Variants in PCNX1 observed in about 807,000 individuals in gnomAD.
The protein encoded by PCNX1 is pecanex 1.
Under a neutral mutation model 242.2 loss-of-function variants are expected in PCNX1, and 78 were observed. The observed-to-expected ratio is 0.32, with a 90% confidence interval of 0.27 to 0.39. The LOEUF (loss-of-function observed/expected upper bound fraction) is 0.39. Among genes scored for constraint, PCNX1 ranks in the 10% least tolerant of loss-of-function variants. PCNX1 has a pLI of 1.00. For synonymous variants in PCNX1, 1,024 were observed against 1,032.9 expected (o/e 0.99, Z 0.17); for missense variants, 2,581 against 2,856.5 (o/e 0.90, Z 2.20).
intron 2 of PCNX1, among the ~76,000 whole-genome samples, chr14:70,949,008 C>T (rs1317254280): frequency 6.9e-6 from 1 of 145,382 alleles, no homozygotes. Context: ...TTTTTATTTA[C>T]TCGTATAAAT....
chr14:70,996,765 T>C (rs1299857008), intron 8 of PCNX1, among the ~76,000 whole-genome samples: 1 of 152,192 alleles, frequency 6.6e-6, no homozygotes, highest in African/African-American at 2.4e-5. Context: ...ATTCATGTTA[T>C]AATTGCTTTT....
chr14:71,037,062 A>T (rs952463342), intron 19 of PCNX1, among the ~76,000 whole-genome samples: 1 of 151,962 alleles, frequency 6.6e-6, no homozygotes, highest in African/African-American at 2.4e-5. Context: ...TGTGAATGGG[A>T]GTTCACTCAT....
In PCNX1 at chr14:71,048,195, T is replaced by TA. The variant is rs534109577; in HGVS notation, c.4338+214dup. ...ATATTTCTTGCTATAGCTAAGAAGA[T>TA]AAAGTTACATAAAACAATTAGAGAA... On this transcript the variant is annotated intron_variant, in intron 22 of 35. Coordinates refer to ENST00000304743, the MANE Select transcript of PCNX1 (RefSeq NM_014982.3). 4.3e-3 allele frequency among the ~76,000 whole-genome samples: 653 copies of TA among 152,278 alleles called. 6 individuals are homozygous for TA. Among genetic ancestry groups the TA allele is most frequent in the Non-Finnish European group, 7.3e-3 (493 of 67,988 alleles).
At chr14:71,035,148 C>T (rs1433162881) in intron 18 of PCNX1, among the ~76,000 whole-genome samples, 1 of 152,034 alleles carries the variant, frequency 6.6e-6, no homozygotes, top group African/African-American at 2.4e-5. Flanking sequence ...GGGTTCTGAG[C>T]TCTAGTGTAC....
intron 2 of PCNX1, among the ~76,000 whole-genome samples, chr14:70,954,029 T>C (rs977149987): frequency 6.6e-6 from 1 of 152,260 alleles, no homozygotes; most frequent in East Asian, 1.9e-4. Flanking sequence ...TATTGTCTTT[T>C]TGAAGTTTCA....
chr14:70,946,570 TTAA>T (rs1363597708), intron 1 of PCNX1, among the ~76,000 whole-genome samples: 1 of 152,264 alleles, frequency 6.6e-6, no homozygotes, highest in African/African-American at 2.4e-5. Flanking sequence ...GAAATTAATT[TTAA>T]TAATGTTTTA....
chr14:71,019,880 C>T (rs1216137059), intron 12 of PCNX1, among the ~76,000 whole-genome samples: 1 of 152,022 alleles, frequency 6.6e-6, no homozygotes, highest in Non-Finnish European at 1.5e-5. Context: ...TCCCACCATG[C>T]ACCCATCAAC....
At chr14:71,050,606 A>G (rs752635078) in intron 22 of PCNX1, 46 bp from the exon 23 acceptor site, 10 of 1,480,616 alleles carry the variant, frequency 6.8e-6, no homozygotes, top group African/African-American at 4.3e-5. Context: ...CAAATATCTG[A>G]TAAGTTTTTT....
In PCNX1 at chr14:70,911,759, T is replaced by G. The variant is rs1347032124; in HGVS notation, c.153+3756T>G. Among the ~76,000 whole-genome samples the G allele has an allele frequency of 2.0e-5, 3 of 152,218 alleles. No individual in the cohort carries two copies. The East Asian group carries it at 5.8e-4, about 29-fold the overall frequency. ...AATATTTATGAAATAGAAGAAATTA[T>G]TTACCTTCAGAATGGCCTTCAGTAA... On this transcript the variant is annotated intron_variant, in intron 1 of 35. Transcript: ENST00000304743.
rs537998725 is a variant in PCNX1, at chr14:71,076,279, C to A, written c.5197C>A (p.Arg1733Ser). The A allele has an allele frequency of 1.2e-6, 2 of 1,613,622 alleles. No individual in the cohort carries two copies. Among genetic ancestry groups the A allele is most frequent in the Non-Finnish European group, 1.7e-6 (2 of 1,179,866 alleles). Residue 1733 changes from arginine to serine, a missense_variant, in exon 28 of 36, where the codon CGC becomes AGC. By Grantham distance (110) the Arg-to-Ser change is moderately radical (BLOSUM62 -1). Coordinates refer to ENST00000304743, the MANE Select transcript of PCNX1 (RefSeq NM_014982.3). The stretch of plus-strand genomic sequence containing the variant: ...GGAAGGACTTCGTCTGTGTGCTGAT[C>A]GCAATTATGTCGATGTGGACCCGAC... ...MQEGLRLCAD[R>S]NYVDVDPTFN...
intron 1 of PCNX1, among the ~76,000 whole-genome samples, chr14:70,944,608 G>C (rs1399166632): frequency 1.3e-5 from 2 of 152,140 alleles, no homozygotes; most frequent in Admixed American, 1.3e-4. Context: ...AAGACTTTGG[G>C]GGACAGTTGG....
At chr14:71,061,926 AAAG>A (rs1200397413) in intron 26 of PCNX1, among the ~76,000 whole-genome samples, 1 of 152,152 alleles carries the variant, frequency 6.6e-6, no homozygotes. Context: ...TAGAGAAGAA[AAAG>A]AAGAAACCCC....
intron 21 of PCNX1, among the ~76,000 whole-genome samples, chr14:71,047,421 C>T (rs2060894830): frequency 6.6e-6 from 1 of 152,066 alleles, no homozygotes; most frequent in Non-Finnish European, 1.5e-5. Context: ...CAGTTGCCTC[C>T]ATAGTCATCC....
At chr14:70,991,020 A>G (rs1283013679) in intron 7 of PCNX1, among the ~76,000 whole-genome samples, 2 of 151,956 alleles carry the variant, frequency 1.3e-5, no homozygotes, top group Non-Finnish European at 2.9e-5. Context: ...CTTTGCCACT[A>G]ATGAGCCTGC....
chr14:71,080,726 G>C (rs564852659), intron 28 of PCNX1, among the ~76,000 whole-genome samples: 2 of 152,312 alleles, frequency 1.3e-5, no homozygotes, highest in East Asian at 3.9e-4. Context: ...TTTGTATCTT[G>C]AGACTTTGCT....
Position 71,023,213 on chromosome 14 carries a change from A to ATTC in PCNX1, c.3172_3174dup (p.Ser1058dup). ...TTTCATTTTTAGAGTGTTCAACCAG[A>ATTC]TTCTTCTTCTCCCAGACATGTAAGT... On this transcript the variant is annotated inframe_insertion, in exon 13 of 36. Transcript: ENST00000304743. 6.2e-7 allele frequency: 1 copy of ATTC among 1,606,624 alleles called. No homozygotes were observed. The highest frequency in any genetic ancestry group is 8.5e-7 in the Non-Finnish European group (1 of 1,173,558).
At chr14:70,964,490 C>G (rs1283640065) in intron 3 of PCNX1, among the ~76,000 whole-genome samples, 1 of 152,154 alleles carries the variant, frequency 6.6e-6, no homozygotes, top group Non-Finnish European at 1.5e-5. Context: ...TGAAATAACT[C>G]AATTCTTGAA....
intron 6 of PCNX1, among the ~76,000 whole-genome samples, chr14:70,979,961 CTCTT>C (rs1346841288): frequency 6.7e-6 from 1 of 149,030 alleles, no homozygotes; most frequent in Non-Finnish European, 1.5e-5. Context: ...ATATAGTTCT[CTCTT>C]TTTTTTTTTT....
intron 1 of PCNX1, among the ~76,000 whole-genome samples, chr14:70,940,872 T>G (rs1169846337): frequency 6.6e-6 from 1 of 152,212 alleles, no homozygotes; most frequent in Admixed American, 6.5e-5. Context: ...TTCATTTCAT[T>G]CATTTGATCA....
Sources: gnomAD v4.1 joint callset for allele counts (sites outside exome capture counted in the v4.1 genomes callset) on GRCh38, gnomAD v4.1.1 for gene constraint, MANE v1.5 for transcripts, NCBI Gene and HGNC (gene_info 2026-07-23, HGNC 2026-07-21) for gene names.